RBMS3: variants seen among roughly 807,000 people sequenced by gnomAD.
RBMS3 encodes the protein RNA binding motif single stranded interacting protein 3, also known as RNA-binding motif, single-stranded-interacting protein 3.
In RBMS3, 27 loss-of-function variants were observed where a neutral mutation model predicts 66.8. That is an observed-to-expected ratio of 0.40 (90% CI 0.30 to 0.56). The LOEUF is 0.56. RBMS3 is among the 20% of genes least tolerant of loss of function. The probability of loss-of-function intolerance (pLI) is 0.40; values close to 1 mark genes in which losing one functional copy is unlikely to be tolerated. For missense variants in RBMS3, 513 were observed against 549.5 expected (o/e 0.93, Z 0.66); for synonymous variants, 188 against 183.0 (o/e 1.03, Z -0.22).
chr3:29,413,303 A>G (rs932925479), intron 1 of RBMS3, among the ~76,000 whole-genome samples: 2 of 152,238 alleles, frequency 1.3e-5, no homozygotes, highest in African/African-American at 4.8e-5. Context: ...CCAGATGCAG[A>G]GGTTGCAGTG....
intron 4 of RBMS3, among the ~76,000 whole-genome samples, chr3:29,645,279 G>C (rs1414355668): frequency 6.6e-6 from 1 of 152,172 alleles, no homozygotes; most frequent in South Asian, 2.1e-4. Context: ...GAGTGATTGT[G>C]ATCTGCAAAT....
chr3:29,798,812 A>C (rs965942478), intron 6 of RBMS3, among the ~76,000 whole-genome samples: 1 of 152,188 alleles, frequency 6.6e-6, no homozygotes, highest in Non-Finnish European at 1.5e-5. Context: ...TATTGTTGCA[A>C]CAGTAGAATT....
intron 6 of RBMS3, among the ~76,000 whole-genome samples, chr3:29,849,019 T>C (rs2149515786): frequency 6.6e-6 from 1 of 152,182 alleles, no homozygotes; most frequent in East Asian, 1.9e-4. Flanking sequence ...ATTAATATCT[T>C]TGCAGCCCCT....
intron 6 of RBMS3, among the ~76,000 whole-genome samples, chr3:29,796,712 CTTTTTTT>C (rs71295051): frequency 8.7e-6 from 1 of 115,288 alleles, no homozygotes; most frequent in East Asian, 2.3e-4. Flanking sequence ...TGAAAGGAAT[CTTTTTTT>C]TTTTTTTTTT....
intron 4 of RBMS3, among the ~76,000 whole-genome samples, chr3:29,729,067 T>C (rs1349861429): frequency 6.6e-6 from 1 of 152,086 alleles, no homozygotes; most frequent in Non-Finnish European, 1.5e-5. Context: ...ATGTGCCATG[T>C]TGGTTTGCTG....
chr3:29,290,206 CTTAAAA>C (rs1234168533), intron 1 of RBMS3, among the ~76,000 whole-genome samples: 2 of 151,798 alleles, frequency 1.3e-5, no homozygotes, highest in African/African-American at 4.8e-5. Flanking sequence ...CAATATATAA[CTTAAAA>C]TTAAATAACT....
chr3:29,503,696 T>A (rs566774731), intron 3 of RBMS3, among the ~76,000 whole-genome samples: 1 of 152,256 alleles, frequency 6.6e-6, no homozygotes, highest in East Asian at 1.9e-4. Context: ...AAGGCAGTCA[T>A]TTCATATTTG....
At chr3:29,692,216 A>C (rs1242849281) in intron 4 of RBMS3, among the ~76,000 whole-genome samples, 1 of 151,944 alleles carries the variant, frequency 6.6e-6, no homozygotes, top group African/African-American at 2.4e-5. Context: ...TCCTAACCTC[A>C]GGTGATCCAC....
At chr3:29,410,740 C>A (rs1411750512) in intron 1 of RBMS3, among the ~76,000 whole-genome samples, 1 of 151,868 alleles carries the variant, frequency 6.6e-6, no homozygotes, top group African/African-American at 2.4e-5. Flanking sequence ...CATGATGAGC[C>A]CTCTGTTTAA....
chr3:29,388,691 G>T (rs1428387084), intron 1 of RBMS3, among the ~76,000 whole-genome samples: 1 of 152,066 alleles, frequency 6.6e-6, no homozygotes, highest in Non-Finnish European at 1.5e-5. Context: ...TCAGCCTCCC[G>T]AGTAGCTGGG....
At chr3:29,820,656 C>T (rs1351897469) in intron 6 of RBMS3, among the ~76,000 whole-genome samples, 1 of 152,174 alleles carries the variant, frequency 6.6e-6, no homozygotes, top group Non-Finnish European at 1.5e-5. Flanking sequence ...AAGATTATAT[C>T]ATTCAAAGTC....
chr3:29,924,019 A>G (rs1178509022), intron 10 of RBMS3, among the ~76,000 whole-genome samples: 3 of 152,258 alleles, frequency 2.0e-5, no homozygotes, highest in African/African-American at 4.8e-5. Context: ...TATAGTTGCT[A>G]TAGAAAAAGA....
chr3:29,997,396 G>A (rs1699316451), intron 14 of RBMS3, among the ~76,000 whole-genome samples: 1 of 149,128 alleles, frequency 6.7e-6, no homozygotes, highest in Non-Finnish European at 1.5e-5. Flanking sequence ...GAAAAAGAGG[G>A]AATCCTCCCT....
At chr3:29,388,100 C>T (rs566264094) in intron 1 of RBMS3, among the ~76,000 whole-genome samples, 1 of 149,164 alleles carries the variant, frequency 6.7e-6, no homozygotes, top group East Asian at 1.9e-4. Flanking sequence ...CACACACACA[C>T]ACACACACAC....
chr3:29,487,623 A>G (rs2043372622), intron 2 of RBMS3, among the ~76,000 whole-genome samples: 1 of 152,142 alleles, frequency 6.6e-6, no homozygotes, highest in African/African-American at 2.4e-5. Flanking sequence ...AGAAGAGCTA[A>G]CATTAATAAT....
intron 10 of RBMS3, among the ~76,000 whole-genome samples, chr3:29,922,698 A>G (rs2060825210): frequency 6.6e-6 from 1 of 152,180 alleles, no homozygotes; most frequent in Non-Finnish European, 1.5e-5. Flanking sequence ...AATTCTTACT[A>G]CTAAAAGTAT....
intron 13 of RBMS3, among the ~76,000 whole-genome samples, chr3:29,990,575 A>C (rs1301660983): frequency 6.6e-6 from 1 of 152,192 alleles, no homozygotes; most frequent in Admixed American, 6.5e-5. Context: ...TATACCAGAA[A>C]ACAAAACAAA....
rs1169901536 is a variant in RBMS3 at position 29,565,920 on chromosome 3, TC to T, written c.308-21193del. 3.9e-5 allele frequency among the ~76,000 whole-genome samples: 6 copies of T among 152,140 alleles called. No homozygotes were observed. The East Asian group carries it at 1.2e-3, about 29-fold the overall frequency. On this transcript the variant is annotated intron_variant, in intron 3 of 14. Transcript: ENST00000383767. Reference sequence around the variant, plus strand: ...GGTTGGAGTTGCAAATTTAAAAGATTCTATGATGCTCCTTAAATTATAATAT... The same window carrying T: ...GGTTGGAGTTGCAAATTTAAAAGATTTATGATGCTCCTTAAATTATAATAT...
At chr3:29,412,391 A>T (rs1238247455) in intron 1 of RBMS3, among the ~76,000 whole-genome samples, 1 of 152,154 alleles carries the variant, frequency 6.6e-6, no homozygotes, top group Non-Finnish European at 1.5e-5. Context: ...AAATACATTT[A>T]TTATAGTTCC....
Sources: allele counts gnomAD v4.1 joint callset (sites outside exome capture counted in the v4.1 genomes callset), GRCh38; gene constraint gnomAD v4.1.1; transcripts MANE v1.5; gene names NCBI Gene and HGNC (gene_info 2026-07-23, HGNC 2026-07-21).